SUPT20H: variants seen among roughly 807,000 people sequenced by gnomAD.
The protein encoded by SUPT20H is SPT20 homolog, SAGA complex component, also known as transcription factor SPT20 homolog.
A neutral mutation model predicts 122.8 loss-of-function variants in SUPT20H; 82 were observed. The ratio of observed to expected loss-of-function variants is 0.67; its 90% confidence interval spans 0.56 to 0.80. The LOEUF (loss-of-function observed/expected upper bound fraction) is 0.80, where lower values mean the gene tolerates loss of function less well. SUPT20H is among the 30% of genes least tolerant of loss of function. The pLI is 0.00. For synonymous variants in SUPT20H, 291 were observed against 313.0 expected (o/e 0.93, Z 0.74); for missense variants, 831 against 921.6 (o/e 0.90, Z 1.27).
intron 15 of SUPT20H, 142 bp downstream of exon 15, chr13:37,026,648 A>C: frequency 1.8e-6 from 1 of 562,224 alleles, no homozygotes. Flanking sequence ...TAATGTCTAC[A>C]TAACAGATCC....
chr13:37,019,552 T>C (rs568869607), intron 21 of SUPT20H, among the ~76,000 whole-genome samples, 155 bp from the exon 22 acceptor site: 2 of 152,308 alleles, frequency 1.3e-5, no homozygotes, highest in African/African-American at 4.8e-5. Flanking sequence ...AAACAAAAGA[T>C]TGTCTTCAAT....
At chr13:37,042,745 G>A (rs983524102) in intron 7 of SUPT20H, among the ~76,000 whole-genome samples, 2 of 152,184 alleles carry the variant, frequency 1.3e-5, no homozygotes, top group Non-Finnish European at 2.9e-5. Context: ...GAAAGAATGG[G>A]ATCTGCAAAA....
At chr13:37,051,437 G>A (rs563546998) in intron 2 of SUPT20H, 51 bp downstream of exon 2, 4 of 1,554,788 alleles carry the variant, frequency 2.6e-6, no homozygotes, top group South Asian at 2.2e-5. Flanking sequence ...TGAAGATGAA[G>A]GAAGAGAACA....
At chr13:37,031,199 T>C (rs752593377) in intron 12 of SUPT20H, among the ~76,000 whole-genome samples, 17 of 152,182 alleles carry the variant, frequency 1.1e-4, no homozygotes, top group Middle Eastern at 3.4e-3. Context: ...CCAGTTTGAG[T>C]AAACAAGCAC....
At chr13:37,011,037 G>A (rs927974323) in intron 24 of SUPT20H, among the ~76,000 whole-genome samples, 6 of 152,188 alleles carry the variant, frequency 3.9e-5, no homozygotes. Flanking sequence ...AACAAAGCTG[G>A]TAGACAGACA....
At chr13:37,028,108 A>G (rs1261842803) in intron 14 of SUPT20H, 40 bp downstream of exon 14, 2 of 1,167,564 alleles carry the variant, frequency 1.7e-6, no homozygotes, top group South Asian at 3.3e-5. Context: ...TTGGTGCCTT[A>G]TTTTTTTTTT....
rs757076947 is a variant in SUPT20H, at chr13:37,031,790, C to T, written c.813G>A (p.Lys271=). ...CATAATGCTGACCTGCTTTTCTTTC[C>T]TTTCTTTTTTGTAAGAAATCAAGTA... ...LRLLDFLQKR[K]ERKAGQHYDL... is the part of the protein sequence containing the mutation. The change falls in exon 11 of 26, where the codon AAG becomes AAA. Residue 271 remains lysine, a synonymous_variant. Coordinates refer to ENST00000350612, the MANE Select transcript of SUPT20H (RefSeq NM_001014286.3). The T allele has an allele frequency of 1.0e-4, 167 of 1,608,630 alleles. 4 individuals are homozygous for T. In the South Asian group the frequency reaches 1.8e-3, roughly 17 times the overall value.
chr13:37,048,683 C>G, intron 2 of SUPT20H, 84 bp from the exon 3 acceptor site: 2 of 1,207,896 alleles, frequency 1.7e-6, no homozygotes, highest in Non-Finnish European at 2.3e-6. Flanking sequence ...CTAATGTTTT[C>G]TAAAACAGGT....
intron 24 of SUPT20H, among the ~76,000 whole-genome samples, chr13:37,011,323 G>A (rs750798473): frequency 3.9e-5 from 6 of 151,958 alleles, no homozygotes; most frequent in Admixed American, 6.6e-5. Flanking sequence ...AGCTATTTTC[G>A]GAAATTCACA....
intron 5 of SUPT20H, among the ~76,000 whole-genome samples, chr13:37,046,135 A>G (rs1348691690): frequency 1.3e-5 from 2 of 152,116 alleles, no homozygotes; most frequent in South Asian, 2.1e-4. Flanking sequence ...TATTAAACAT[A>G]TATCATACAC....
chr13:37,050,861 C>T (rs577488003), intron 2 of SUPT20H, among the ~76,000 whole-genome samples: 2 of 152,112 alleles, frequency 1.3e-5, no homozygotes, highest in African/African-American at 4.8e-5. Flanking sequence ...AAGTTTGTGA[C>T]GCAGAATAGG....
intron 9 of SUPT20H, among the ~76,000 whole-genome samples, chr13:37,033,895 C>T (rs562154718): frequency 6.6e-6 from 1 of 152,338 alleles, no homozygotes; most frequent in African/African-American, 2.4e-5. Flanking sequence ...ATTTTCCCAA[C>T]AGCACACACT....
At chr13:37,035,825 C>T (rs1312109931) in intron 9 of SUPT20H, among the ~76,000 whole-genome samples, 1 of 152,172 alleles carries the variant, frequency 6.6e-6, no homozygotes, top group African/African-American at 2.4e-5. Flanking sequence ...GCCATGGCAC[C>T]TGGCAAAAGT....
At position 37,047,862 on chromosome 13, in the gene SUPT20H, A is replaced by C; in HGVS notation, c.98+16T>G. The stretch of plus-strand genomic sequence containing the variant: ...ATTTCAATGAATCTAAGATGTTACC[A>C]ATTAATTATTCATACCTTCCACTTG... On this transcript the variant is annotated intron_variant, in intron 4 of 25. Coordinates refer to ENST00000350612, the MANE Select transcript of SUPT20H (RefSeq NM_001014286.3). 6.3e-7 allele frequency: 1 copy of C among 1,596,652 alleles called. No individual in the cohort carries two copies. Among genetic ancestry groups the C allele is most frequent in the Admixed American group, 1.7e-5 (1 of 57,596 alleles).
At chr13:37,014,780 C>T (rs556392330) in intron 23 of SUPT20H, among the ~76,000 whole-genome samples, 105 of 152,148 alleles carry the variant, frequency 6.9e-4, no homozygotes, top group Non-Finnish European at 1.1e-3. Flanking sequence ...CTTCCACTTA[C>T]GAAACTACAA....
intron 21 of SUPT20H, 106 bp downstream of exon 21, chr13:37,021,342 A>G (rs2061435519): frequency 4.2e-6 from 5 of 1,191,814 alleles, no homozygotes; most frequent in Non-Finnish European, 5.6e-6. Flanking sequence ...ACAACACTTC[A>G]TGAAATAATG....
chr13:37,018,863 G>A (rs375180268), intron 22 of SUPT20H, among the ~76,000 whole-genome samples: 2 of 152,056 alleles, frequency 1.3e-5, no homozygotes, highest in African/African-American at 4.8e-5. Flanking sequence ...TGCTCAGGCT[G>A]GTCTCGAACT....
rs139591547 is a variant in SUPT20H, at chr13:37,023,624, C to T, written c.1591+411G>A. ...AACTAGTTGACTTCTTACATATACA[C>T]AAAGATAGGACCTGCAGCAACAACT... On this transcript the variant is annotated intron_variant, in intron 19 of 25. Transcript: ENST00000350612. 180 of 154,020 alleles carry T rather than the reference C, an allele frequency of 1.2e-3. 1 individual carries two copies. Among genetic ancestry groups the T allele is most frequent in the African/African-American group, 4.2e-3 (173 of 41,594 alleles). The allele number at this position is 154,020 out of a possible 1,614,324, so 9.5% of individuals were successfully genotyped here. A position where few individuals can be genotyped will look rare whatever the true frequency, so the allele number is the denominator to read the frequency against.
intron 12 of SUPT20H, among the ~76,000 whole-genome samples, chr13:37,031,142 C>T (rs765257931): frequency 1.3e-5 from 2 of 152,048 alleles, no homozygotes; most frequent in Non-Finnish European, 2.9e-5. Context: ...TATTATTAAT[C>T]TTTATTTTAT....
Sources: gnomAD v4.1 joint callset for allele counts (sites outside exome capture counted in the v4.1 genomes callset) on GRCh38, gnomAD v4.1.1 for gene constraint, MANE v1.5 for transcripts, NCBI Gene and HGNC (gene_info 2026-07-23, HGNC 2026-07-21) for gene names.